MOV10L1: variants seen among roughly 807,000 people sequenced by gnomAD.
The protein encoded by MOV10L1 is Mov10 like RNA helicase 1.
In MOV10L1, 110 loss-of-function variants were observed where a neutral mutation model predicts 143.8. The ratio of observed to expected loss-of-function variants is 0.76; its 90% CI spans 0.66 to 0.90. The LOEUF is 0.90. MOV10L1 is among the 40% of genes least tolerant of loss of function. The probability of loss-of-function intolerance (pLI) is 0.00; values close to 1 mark genes in which losing one functional copy is unlikely to be tolerated. For missense variants in MOV10L1, 1,406 were observed against 1,526.8 expected (o/e 0.92, Z 1.32); for synonymous variants, 593 against 581.1 (o/e 1.02, Z -0.29).
chr22:50,096,675 A>G (rs2062597244), intron 2 of MOV10L1, among the ~76,000 whole-genome samples: 1 of 151,982 alleles, frequency 6.6e-6, no homozygotes, highest in Non-Finnish European at 1.5e-5. Flanking sequence ...GACAGTAGCT[A>G]TTCCTCGTAG....
chr22:50,152,460 A>G lies in MOV10L1; in HGVS notation c.2893-585A>G, dbSNP rs78910978. 4.5e-3 allele frequency among the ~76,000 whole-genome samples: 678 copies of G among 152,212 alleles called. 8 individuals are homozygous for G. Among genetic ancestry groups the G allele is most frequent in the African/African-American group, 0.015 (637 of 41,534 alleles). On this transcript the variant is annotated intron_variant, in intron 21 of 26. Coordinates refer to ENST00000262794, the MANE Select transcript of MOV10L1 (RefSeq NM_018995.3). This position sits in a 1 kb window ranked among gnomAD's most constrained non-coding sequence, Gnocchi z 4.4. ...AGGGGAAGAGCACCTGCCCTGAGTG[A>G]GCTTCCCGAGCAAGTTGGAGGCAGA...
At position 50,161,502 on chromosome 22, in the gene MOV10L1, G is replaced by A. The variant is rs971255258; in HGVS notation, c.*53G>A. 19 of 1,514,832 alleles carry A rather than the reference G, an allele frequency of 1.3e-5. No homozygotes were observed. The highest frequency in any genetic ancestry group is 1.8e-4 in the Middle Eastern group (1 of 5,430). 93.8% of individuals were successfully genotyped at this position (1,514,832 alleles called of 1,614,324 possible). On this transcript the variant is annotated 3_prime_UTR_variant, in exon 27 of 27. Transcript: ENST00000262794. Reference sequence around the variant, plus strand: ...ATGTGCTCAGCCTGGCCACGTTGCCGTTACAGTCTGCTCCGTGGCTCCTGT... The same window carrying A: ...ATGTGCTCAGCCTGGCCACGTTGCCATTACAGTCTGCTCCGTGGCTCCTGT...
At chr22:50,129,483 A>G (rs887850548) in intron 13 of MOV10L1, among the ~76,000 whole-genome samples, 3 of 152,118 alleles carry the variant, frequency 2.0e-5, no homozygotes, top group Non-Finnish European at 4.4e-5. Flanking sequence ...ACTGCTGTTC[A>G]TTGGTTTGCG....
intron 15 of MOV10L1, among the ~76,000 whole-genome samples, chr22:50,141,375 G>A (rs2062981314): frequency 6.6e-6 from 1 of 151,846 alleles, no homozygotes; most frequent in South Asian, 2.1e-4. Context: ...CTGTCACCCA[G>A]GTTGGAGTTG....
chr22:50,110,738 C>A, intron 5 of MOV10L1, among the ~76,000 whole-genome samples: 1 of 152,042 alleles, frequency 6.6e-6, no homozygotes, highest in East Asian at 1.9e-4. Flanking sequence ...CGAGAACAGC[C>A]TGGGCAACAC....
chr22:50,155,263 G>GTT (rs199534596), intron 22 of MOV10L1, among the ~76,000 whole-genome samples: 10,651 of 137,758 alleles, frequency 0.077, 566 homozygotes, highest in African/African-American at 0.14. Context: ...TGTTTTGTGG[G>GTT]TTTTTTTTTT....
Position 50,128,469 on chromosome 22 carries a change from T to C in MOV10L1, c.1872T>C (p.Tyr624=), listed in dbSNP as rs760044694. The stretch of plus-strand genomic sequence containing the variant: ...TTAATCCAGAATTTGAACAAGCCTA[T>C]AACTTTGAACCTATGGATGTGGAAT... ...LKINPEFEQA[Y]NFEPMDVEFT... is the part of the protein sequence containing the mutation. Residue 624 remains tyrosine (Y), a synonymous_variant, in exon 13 of 27, where the codon TAT becomes TAC. Coordinates refer to ENST00000262794, the MANE Select transcript of MOV10L1 (RefSeq NM_018995.3). 2 of 1,558,492 alleles carry C rather than the reference T, an allele frequency of 1.3e-6. No homozygotes were observed. Among genetic ancestry groups the C allele is most frequent in the Non-Finnish European group, 1.8e-6 (2 of 1,133,734 alleles).
intron 19 of MOV10L1, among the ~76,000 whole-genome samples, chr22:50,146,652 T>C (rs2063160189): frequency 6.6e-6 from 1 of 151,868 alleles, no homozygotes; most frequent in African/African-American, 2.4e-5. Flanking sequence ...GTCGTGACCC[T>C]CCCTGACAGC....
In MOV10L1 at chr22:50,090,204, C is replaced by T; in HGVS notation, c.97+19C>T. On this transcript the variant is annotated intron_variant, in intron 1 of 26. Coordinates refer to ENST00000262794, the MANE Select transcript of MOV10L1 (RefSeq NM_018995.3). Reference sequence around the variant, plus strand: ...GCGGAAGGTGGCTCGCGGGAGGCGGCTGGGAGGCGGGTCCCGGGCCCTCGC... The same window carrying T: ...GCGGAAGGTGGCTCGCGGGAGGCGGTTGGGAGGCGGGTCCCGGGCCCTCGC... 1 of 1,412,938 alleles carries T rather than the reference C, an allele frequency of 7.1e-7. No individual in the cohort carries two copies. The highest frequency in any genetic ancestry group is 9.2e-7 in the Non-Finnish European group (1 of 1,085,052). The allele number at this position is 1,412,938 out of a possible 1,614,324, so 87.5% of individuals were successfully genotyped here.
intron 18 of MOV10L1, among the ~76,000 whole-genome samples, chr22:50,144,708 A>T (rs776743157): frequency 7.4e-5 from 11 of 149,436 alleles, no homozygotes; most frequent in Non-Finnish European, 1.6e-4. Flanking sequence ...CAGCCTCCCA[A>T]GTAGCTGGGA....
chr22:50,130,435 A>G (rs900934204), intron 13 of MOV10L1, among the ~76,000 whole-genome samples: 76 of 152,124 alleles, frequency 5.0e-4, no homozygotes, highest in African/African-American at 1.8e-3. Context: ...ATTGGAATGT[A>G]TTGAGAATGA....
chr22:50,140,392 G>T (rs2062946403), intron 15 of MOV10L1, among the ~76,000 whole-genome samples: 1 of 152,144 alleles, frequency 6.6e-6, no homozygotes, highest in Admixed American at 6.5e-5. Flanking sequence ...GCACCTTATT[G>T]TATGTCAGTC....
chr22:50,135,423 A>G (rs941064421), intron 15 of MOV10L1, among the ~76,000 whole-genome samples: 2 of 152,066 alleles, frequency 1.3e-5, no homozygotes, highest in African/African-American at 4.8e-5. Flanking sequence ...AATTGTTAAC[A>G]TTTGCAAACT....
chr22:50,117,721 C>T (rs919505480), intron 9 of MOV10L1, among the ~76,000 whole-genome samples: 2 of 152,162 alleles, frequency 1.3e-5, no homozygotes, highest in Non-Finnish European at 1.5e-5. Context: ...ACGGCATCCC[C>T]GTGTCATTCG....
At chr22:50,142,699 G>T (rs1250296302) in intron 16 of MOV10L1, among the ~76,000 whole-genome samples, 1 of 151,926 alleles carries the variant, frequency 6.6e-6, no homozygotes, top group African/African-American at 2.4e-5. Flanking sequence ...AGCCAGGTGT[G>T]GTGGTGGGCG....
chr22:50,157,205 G>A (rs995008539), intron 22 of MOV10L1, among the ~76,000 whole-genome samples: 1 of 152,176 alleles, frequency 6.6e-6, no homozygotes, highest in Admixed American at 6.5e-5. Flanking sequence ...CTTTTTGTCA[G>A]TGAATTTAAG....
chr22:50,144,824 G>T (rs71316585), intron 18 of MOV10L1, among the ~76,000 whole-genome samples: 1 of 151,828 alleles, frequency 6.6e-6, no homozygotes, highest in South Asian at 2.1e-4. Context: ...CTCATGATCT[G>T]CCCGCCTCGG....
Position 50,120,631 on chromosome 22 carries a change from A to G in MOV10L1, c.1569+15A>G. 2 of 1,557,544 alleles carry G rather than the reference A, an allele frequency of 1.3e-6. No homozygotes were observed. The highest frequency in any genetic ancestry group is 2.2e-5 in the East Asian group (1 of 44,546). On this transcript the variant is annotated intron_variant, in intron 10 of 26. Coordinates refer to ENST00000262794, the MANE Select transcript of MOV10L1 (RefSeq NM_018995.3). ...TACTTGCAGAGGTAGGAAGTGTCTC[A>G]TGGCCTGTGGGGTGTTGGCATCTTC...
At chr22:50,160,505 G>T (rs906926791) in intron 24 of MOV10L1, among the ~76,000 whole-genome samples, 183 bp from the exon 25 acceptor site, 1 of 151,550 alleles carries the variant, frequency 6.6e-6, no homozygotes, top group African/African-American at 2.4e-5. Flanking sequence ...CTCCCGCCTC[G>T]GCCTCCCAAA....
Sources: gnomAD v4.1 joint callset for allele counts (sites outside exome capture counted in the v4.1 genomes callset) on GRCh38, gnomAD v4.1.1 for gene constraint, Gnocchi (gnomAD v3.1) non-coding constraint, MANE v1.5 for transcripts, NCBI Gene and HGNC (gene_info 2026-07-23, HGNC 2026-07-21) for gene names.